The following FYB2 variants were observed in gnomAD, a reference collection of about 807,000 sequenced individuals.
FYB2 encodes FYN binding protein 2, also known as FYN-binding protein 2.
In FYB2, 103 loss-of-function variants were observed where a neutral mutation model predicts 94.1. That is an observed-to-expected ratio of 1.09 (90% CI 0.93 to 1.29). The LOEUF is 1.29. Among genes scored for constraint, FYB2 ranks in the 50% most tolerant of loss-of-function variants. The probability of loss-of-function intolerance (pLI) is 0.00; values close to 1 mark genes in which losing one functional copy is unlikely to be tolerated. For synonymous variants in FYB2, 293 were observed against 287.9 expected (o/e 1.02, Z -0.18); for missense variants, 896 against 841.5 (o/e 1.06, Z -0.80).
chr1:56,769,354 A>C (rs1645700233), intron 4 of FYB2, among the ~76,000 whole-genome samples: 1 of 152,208 alleles, frequency 6.6e-6, no homozygotes, highest in East Asian at 1.9e-4. Context: ...TGAATTATTT[A>C]GATATGAGGA....
chr1:56,758,693 A>G (rs1247131156), intron 6 of FYB2, 23 bp downstream of exon 6: 1 of 1,564,512 alleles, frequency 6.4e-7, no homozygotes. Context: ...TTTAGTTACA[A>G]TGTTGGTAAG....
intron 1 of FYB2, among the ~76,000 whole-genome samples, chr1:56,811,126 AG>A: frequency 6.6e-6 from 1 of 152,266 alleles, no homozygotes; most frequent in African/African-American, 2.4e-5. Flanking sequence ...GACCGTCATC[AG>A]GCAGGTAGAA....
intron 5 of FYB2, among the ~76,000 whole-genome samples, chr1:56,765,950 A>AG (rs756787021): frequency 6.6e-6 from 1 of 152,172 alleles, no homozygotes; most frequent in Non-Finnish European, 1.5e-5. Context: ...AGCTACTTGC[A>AG]GGGGGGTGGA....
chr1:56,742,745 G>T (rs1429751224), intron 11 of FYB2, among the ~76,000 whole-genome samples: 1 of 151,936 alleles, frequency 6.6e-6, no homozygotes, highest in Non-Finnish European at 1.5e-5. Flanking sequence ...AGGATTTTTA[G>T]GTTCAAAACT....
intron 5 of FYB2, chr1:56,762,050 T>C (rs1645508000): frequency 6.6e-6 from 1 of 152,230 alleles, no homozygotes; most frequent in African/African-American, 2.4e-5. Flanking sequence ...GGCATATCTG[T>C]ATAATTCTAT....
intron 8 of FYB2, among the ~76,000 whole-genome samples, 200 bp downstream of exon 8, chr1:56,753,638 GT>G (rs1453427056): frequency 6.6e-6 from 1 of 152,042 alleles, no homozygotes; most frequent in Admixed American, 6.6e-5. Flanking sequence ...TGCTTCTAAG[GT>G]CGGCTTCATG....
chr1:56,783,589 T>C (rs933747910), intron 4 of FYB2, among the ~76,000 whole-genome samples: 5 of 152,198 alleles, frequency 3.3e-5, no homozygotes, highest in African/African-American at 1.2e-4. Context: ...ATGATGTCTG[T>C]TGTACCAAAG....
chr1:56,782,250 G>A (rs192427399), intron 4 of FYB2, among the ~76,000 whole-genome samples: 1 of 152,064 alleles, frequency 6.6e-6, no homozygotes, highest in Non-Finnish European at 1.5e-5. Context: ...TAATCAATCA[G>A]AGAGGCCTTT....
intron 4 of FYB2, among the ~76,000 whole-genome samples, chr1:56,786,462 T>A (rs1365257537): frequency 6.6e-6 from 1 of 152,218 alleles, no homozygotes; most frequent in Non-Finnish European, 1.5e-5. Context: ...GAATAAGTAA[T>A]ATGATTATTT....
At chr1:56,763,569 T>C (rs1645550714) in intron 5 of FYB2, among the ~76,000 whole-genome samples, 1 of 152,174 alleles carries the variant, frequency 6.6e-6, no homozygotes, top group South Asian at 2.1e-4. Context: ...TTATTATTGT[T>C]TTGATATCTA....
rs766785844 is a variant in FYB2, at chr1:56,737,202, A to G, written c.1733-55T>C. 9.0e-5 allele frequency: 121 copies of G among 1,347,170 alleles called. 1 individual carries two copies. The highest frequency in any genetic ancestry group is 1.2e-4 in the Non-Finnish European group (113 of 969,320). 83.5% of individuals were successfully genotyped at this position (1,347,170 alleles called of 1,614,324 possible). On this transcript the variant is annotated intron_variant, in intron 14 of 19. Coordinates refer to ENST00000343433, the MANE Select transcript of FYB2 (RefSeq NM_001004303.5). ...ATTATTAAGCATGGTTTATATAAGCACTGACTTTCCAAATTATACTCAATT... is the reference window on the plus strand; with the variant it reads ...ATTATTAAGCATGGTTTATATAAGCGCTGACTTTCCAAATTATACTCAATT...
chr1:56,824,739 A>G, the FYB2 span: 1 of 151,974 alleles, frequency 6.6e-6, no homozygotes, highest in Non-Finnish European at 1.5e-5. Flanking sequence ...TTTAATGTCT[A>G]TTTTTCTTCC....
intron 3 of FYB2, 65 bp from the exon 4 acceptor site, chr1:56,787,273 C>T (rs1646153874): frequency 1.9e-6 from 3 of 1,576,094 alleles, no homozygotes; most frequent in Non-Finnish European, 1.7e-6. Flanking sequence ...GTGAATGATG[C>T]TTGTGTGATG....
At position 56,815,203 on chromosome 1, in the gene FYB2, C is replaced by T. The variant is rs776291450; in HGVS notation, c.9+4079G>A. On this transcript the variant is annotated intron_variant, in intron 1 of 19. Transcript: ENST00000343433. ...GCCATATTACCCATCTCTGCTGCTC[C>T]GCCCATGCTCTCCCTTCTGCCTTCT... 2.6e-5 allele frequency among the ~76,000 whole-genome samples: 4 copies of T among 152,204 alleles called. No individual in the cohort carries two copies. The South Asian group carries it at 6.2e-4, about 24-fold the overall frequency.
At chr1:56,724,589 A>G (rs1446398296) in intron 16 of FYB2, among the ~76,000 whole-genome samples, 1 of 151,970 alleles carries the variant, frequency 6.6e-6, no homozygotes, top group Non-Finnish European at 1.5e-5. Flanking sequence ...CTGCAGAGTC[A>G]TTTTTCTAAA....
intron 1 of FYB2, among the ~76,000 whole-genome samples, chr1:56,799,834 A>G (rs1570205898): frequency 6.6e-6 from 1 of 152,184 alleles, no homozygotes; most frequent in Non-Finnish European, 1.5e-5. Flanking sequence ...CTACAATGGC[A>G]TTCATTGCAC....
intron 17 of FYB2, among the ~76,000 whole-genome samples, chr1:56,722,945 A>G (rs971005263): frequency 6.6e-6 from 1 of 151,992 alleles, no homozygotes; most frequent in Non-Finnish European, 1.5e-5. Flanking sequence ...CACTTTGACA[A>G]TATATGAAAT....
chr1:56,803,416 G>A (rs532814567), intron 1 of FYB2, among the ~76,000 whole-genome samples: 3 of 152,124 alleles, frequency 2.0e-5, no homozygotes, highest in Non-Finnish European at 4.4e-5. Flanking sequence ...ATTTTCTTAA[G>A]AAGGAAGAAG....
chr1:56,769,602 C>T (rs1645707313), intron 4 of FYB2, among the ~76,000 whole-genome samples: 1 of 151,952 alleles, frequency 6.6e-6, no homozygotes, highest in Non-Finnish European at 1.5e-5. Flanking sequence ...CAAGTCTTTG[C>T]ATTATTTACG....
Sources: allele counts gnomAD v4.1 joint callset (sites outside exome capture counted in the v4.1 genomes callset), GRCh38; gene constraint gnomAD v4.1.1; transcripts MANE v1.5; gene names NCBI Gene and HGNC (gene_info 2026-07-23, HGNC 2026-07-21).